Variants in MKKS observed in about 807,000 individuals in gnomAD.
MKKS encodes the protein molecular chaperone MKKS.
In MKKS, 29 loss-of-function variants were observed where a neutral mutation model predicts 33.2. The observed-to-expected ratio is 0.87, with a 90% CI of 0.65 to 1.19. MKKS has a LOEUF of 1.19. Ranked by LOEUF, MKKS falls within the 50% of genes most tolerant of loss-of-function variation. The pLI, the probability that MKKS is intolerant of heterozygous loss-of-function variation, is 0.00. For synonymous variants in MKKS, 260 were observed against 244.0 expected, an observed-to-expected ratio of 1.07 and a Z score of -0.61; for missense variants, 661 against 662.3, an observed-to-expected ratio of 1.00 and a Z score of 0.02.
chr20:10,414,264 T>TA (rs1195387125), intron 2 of MKKS, among the ~76,000 whole-genome samples: 19 of 143,400 alleles, frequency 1.3e-4, no homozygotes, highest in African/African-American at 5.2e-4. Flanking sequence ...GGTCTCTGAG[T>TA]CTTTTTTTTT....
chr20:10,416,950 C>G (rs1237407175), intron 2 of MKKS, among the ~76,000 whole-genome samples: 1 of 152,022 alleles, frequency 6.6e-6, no homozygotes, highest in African/African-American at 2.4e-5. Flanking sequence ...TCTGCAAAGC[C>G]TAAAATATTT....
intron 2 of MKKS, among the ~76,000 whole-genome samples, chr20:10,418,914 A>G (rs1001630162): frequency 5.3e-5 from 8 of 152,132 alleles, no homozygotes; most frequent in African/African-American, 1.9e-4. Flanking sequence ...TCCTATAAAT[A>G]CAAATTTTAT....
At position 10,412,653 on chromosome 20, in the gene MKKS, C is replaced by G; in HGVS notation, c.862G>C (p.Val288Leu). 6.2e-7 allele frequency: 1 copy of G among 1,614,122 alleles called. No individual in the cohort carries two copies. The highest frequency in any genetic ancestry group is 8.5e-7 in the Non-Finnish European group (1 of 1,180,020). ...ACTTTTTGGCACAGGACAAGATCTA[C>G]GTGGTCACTGATTAGCTGCCTTCCT... is the stretch of plus-strand genomic sequence containing the variant. ...NLGRQLISDH[V>L]DLVLCQKVIH... Residue 288 changes from valine (V) to leucine (L), a missense_variant, in exon 3 of 6, where the codon GTA (valine) becomes CTA (leucine). Physicochemically the swap from Val to Leu is conservative, Grantham distance 32 (BLOSUM62 1). Transcript: ENST00000347364.
At chr20:10,421,007 C>A (rs1197127040) in intron 1 of MKKS, among the ~76,000 whole-genome samples, 1 of 152,210 alleles carries the variant, frequency 6.6e-6, no homozygotes, top group Non-Finnish European at 1.5e-5. Flanking sequence ...TGCAAAGGAG[C>A]AACATTACCT....
At chr20:10,423,285 G>T (rs1452204439) in intron 1 of MKKS, among the ~76,000 whole-genome samples, 1 of 152,158 alleles carries the variant, frequency 6.6e-6, no homozygotes, top group Admixed American at 6.5e-5. Context: ...TGGGCATGGT[G>T]GCGCACGCCT....
At chr20:10,410,616 A>G (rs2064877041) in intron 3 of MKKS, among the ~76,000 whole-genome samples, 1 of 152,098 alleles carries the variant, frequency 6.6e-6, no homozygotes, top group Non-Finnish European at 1.5e-5. Context: ...CGATAGAGTG[A>G]GACTCCACCT....
chr20:10,418,127 G>A (rs6108562), intron 2 of MKKS, among the ~76,000 whole-genome samples: 21,942 of 152,168 alleles, frequency 0.14, 1,781 homozygotes, highest in East Asian at 0.24. Context: ...ATGTGTTTGT[G>A]TATGTGTGTT....
rs281797258 is a variant in MKKS, at chr20:10,413,265, G to A, written c.250C>T (p.His84Tyr). Residue 84 changes from histidine (H) to tyrosine (Y), a missense_variant, in exon 3 of 6, where the codon CAT (histidine) becomes TAT (tyrosine). By Grantham distance (83) the His-to-Tyr change is moderately conservative. Coordinates refer to ENST00000347364, the MANE Select transcript of MKKS (RefSeq NM_170784.3). ...CCACAATCACTGAAGCTTGACACATGATTCTGTATGGAGGCTGTCAGGATC... is the reference window on the plus strand; with the variant it reads ...CCACAATCACTGAAGCTTGACACATAATTCTGTATGGAGGCTGTCAGGATC... The part of the protein sequence containing the change: ...LKILTASIQN[H>Y]VSSFSDCGLF... 2.4e-5 allele frequency: 38 copies of A among 1,614,114 alleles called. 1 individual carries two copies. The highest frequency in any genetic ancestry group is 4.2e-6 in the Non-Finnish European group (5 of 1,180,054).
chr20:10,429,463 C>T (rs1568674523), intron 1 of MKKS, among the ~76,000 whole-genome samples: 2 of 152,202 alleles, frequency 1.3e-5, no homozygotes. Flanking sequence ...CCAGCTTAGA[C>T]CCACATAATA....
intron 1 of MKKS, among the ~76,000 whole-genome samples, chr20:10,422,202 C>A (rs573212520): frequency 4.6e-5 from 7 of 152,038 alleles, no homozygotes; most frequent in Non-Finnish European, 1.0e-4. Flanking sequence ...GGTCTCAATT[C>A]ATATTTTATA....
In MKKS at chr20:10,413,363, C is replaced by G. The variant is rs1320841289; in HGVS notation, c.152G>C (p.Gly51Ala). Reference sequence around the variant, plus strand: ...CTGTGAGGTTGTACACACGTAACCTCCAAAGCCATTGTGCAGCTGCTTCAG... The same window carrying G: ...CTGTGAGGTTGTACACACGTAACCTGCAAAGCCATTGTGCAGCTGCTTCAG... ...GRLKQLHNGF[G>A]GYVCTTSQSS... The change falls in exon 3 of 6, where the codon GGA becomes GCA. Residue 51 changes from glycine (G) to alanine (A), a missense_variant. Physicochemically the swap from Gly to Ala is moderately conservative, Grantham distance 60. Coordinates refer to ENST00000347364, the MANE Select transcript of MKKS (RefSeq NM_170784.3). 1.9e-6 allele frequency: 3 copies of G among 1,613,586 alleles called. No homozygotes were observed. The highest frequency in any genetic ancestry group is 2.5e-6 in the Non-Finnish European group (3 of 1,179,496).
chr20:10,409,062 T>G (rs962183414), intron 3 of MKKS, among the ~76,000 whole-genome samples: 7 of 152,226 alleles, frequency 4.6e-5, no homozygotes, highest in Non-Finnish European at 8.8e-5. Flanking sequence ...CATTTTGTAC[T>G]GTCTTCCCAG....
intron 1 of MKKS, among the ~76,000 whole-genome samples, chr20:10,427,988 C>T (rs1465839360): frequency 6.6e-6 from 1 of 152,200 alleles, no homozygotes; most frequent in Non-Finnish European, 1.5e-5. Context: ...GCGTAAGTAT[C>T]TTATGTCTTT....
chr20:10,407,741 A>G lies in MKKS; in HGVS notation c.1162-15T>C. The G allele has an allele frequency of 6.3e-7, 1 of 1,585,904 alleles. No homozygotes were observed. Among genetic ancestry groups the G allele is most frequent in the South Asian group, 1.1e-5 (1 of 89,966 alleles). ...TGACACGTGAGCTAAGAAAAAACCC[A>G]AATCATCAGAATCAGACGTTCACAT... On this transcript the variant is annotated splice_polypyrimidine_tract_variant and intron_variant, in intron 4 of 5. Coordinates refer to ENST00000347364, the MANE Select transcript of MKKS (RefSeq NM_170784.3).
intron 1 of MKKS, among the ~76,000 whole-genome samples, chr20:10,426,710 G>T (rs540269750): frequency 6.6e-6 from 1 of 152,292 alleles, no homozygotes; most frequent in East Asian, 1.9e-4. Flanking sequence ...CATGTCCTTG[G>T]CTGATTTTCA....
intron 4 of MKKS, among the ~76,000 whole-genome samples, chr20:10,408,248 A>G (rs565273240): frequency 2.0e-5 from 3 of 152,192 alleles, no homozygotes; most frequent in African/African-American, 7.2e-5. Flanking sequence ...AGTTGCATGT[A>G]TTATTGCTGG....
chr20:10,413,515 C>T lies in MKKS; in HGVS notation c.-1G>A, dbSNP rs748181167. The T allele has an allele frequency of 1.2e-6, 2 of 1,614,180 alleles. No individual in the cohort carries two copies. The highest frequency in any genetic ancestry group is 1.7e-6 in the Non-Finnish European group (2 of 1,180,032). On this transcript the variant is annotated 5_prime_UTR_variant, in exon 3 of 6. Coordinates refer to ENST00000347364, the MANE Select transcript of MKKS (RefSeq NM_170784.3). ...GCTTCTTAGCTTCCAAACGAGACAT[C>T]TTACTTCAGGTGGTAACTAGTGAAG... is the stretch of plus-strand genomic sequence containing the variant.
At chr20:10,431,125 C>A (rs1362983725) in intron 1 of MKKS, among the ~76,000 whole-genome samples, 4 of 152,064 alleles carry the variant, frequency 2.6e-5, no homozygotes, top group Non-Finnish European at 5.9e-5. Context: ...GCAGCCATTA[C>A]TTTTATTGGG....
intron 1 of MKKS, among the ~76,000 whole-genome samples, chr20:10,425,338 T>C (rs984020081): frequency 5.3e-5 from 8 of 152,258 alleles, no homozygotes; most frequent in African/African-American, 1.9e-4. Context: ...TTTGAGATTT[T>C]TCAATGCTTT....
Sources: gnomAD v4.1 joint callset for allele counts (sites outside exome capture counted in the v4.1 genomes callset) on GRCh38, gnomAD v4.1.1 for gene constraint, MANE v1.5 for transcripts, NCBI Gene and HGNC (gene_info 2026-07-23, HGNC 2026-07-21) for gene names.